The following PAWR variants were observed in gnomAD, a reference collection of about 807,000 sequenced individuals.
PAWR encodes pro-apoptotic WT1 regulator, also known as PRKC apoptosis WT1 regulator protein.
A neutral mutation model predicts 32.0 loss-of-function variants in PAWR; 23 were observed. The observed-to-expected ratio is 0.72, with a 90% confidence interval of 0.52 to 1.02. The LOEUF is 1.02. PAWR is among the 50% of genes least tolerant of loss of function. PAWR has a pLI of 0.00. For missense variants in PAWR, 457 were observed against 437.7 expected, an observed-to-expected ratio of 1.04 and a Z score of -0.39; for synonymous variants, 226 against 187.1, an observed-to-expected ratio of 1.21 and a Z score of -1.70.
chr12:79,683,984 A>G (rs1000783530), intron 2 of PAWR, among the ~76,000 whole-genome samples: 1 of 152,144 alleles, frequency 6.6e-6, no homozygotes, highest in Non-Finnish European at 1.5e-5. Flanking sequence ...TTTGAATACC[A>G]TATCACTTTA....
At chr12:79,648,706 T>C (rs1876696945) in intron 2 of PAWR, among the ~76,000 whole-genome samples, 2 of 151,264 alleles carry the variant, frequency 1.3e-5, no homozygotes, top group Non-Finnish European at 2.9e-5. Context: ...GGAGGGTCAC[T>C]TGAGCCCAGG....
At chr12:79,604,340 T>A (rs188602063) in intron 4 of PAWR, 3 of 1,006,546 alleles carry the variant, frequency 3.0e-6, no homozygotes, top group Non-Finnish European at 3.6e-6. Flanking sequence ...TACTGGAAGT[T>A]TTCCCCCTCT....
At chr12:79,635,416 AC>A (rs2136756325) in intron 2 of PAWR, 1 of 152,204 alleles carries the variant, frequency 6.6e-6, no homozygotes, top group African/African-American at 2.4e-5. Flanking sequence ...CTGGAATGCT[AC>A]CCACATTGCA....
At chr12:79,689,652 G>A in intron 2 of PAWR, 77 bp downstream of exon 2, 1 of 1,475,840 alleles carries the variant, frequency 6.8e-7, no homozygotes, top group South Asian at 1.3e-5. Flanking sequence ...TGCGCCCCGG[G>A]TAGCTCCCAG....
Position 79,689,644 on chromosome 12 carries a change from C to T in PAWR, c.516+85G>A, listed in dbSNP as rs548759419. ...TACGAGCCAGGGGAGGTAAACTCTGCGCCCCGGGTAGCTCCCAGGAGGAAG... is the reference window on the plus strand; with the variant it reads ...TACGAGCCAGGGGAGGTAAACTCTGTGCCCCGGGTAGCTCCCAGGAGGAAG... On this transcript the variant is annotated intron_variant, in intron 2 of 6. Coordinates refer to ENST00000328827, the MANE Select transcript of PAWR (RefSeq NM_002583.4). 41 of 1,441,960 alleles carry T rather than the reference C, an allele frequency of 2.8e-5. No individual in the cohort carries two copies. The African/African-American group carries it at 5.9e-4, about 21-fold the overall frequency. 89.3% of individuals were successfully genotyped at this position (1,441,960 alleles called of 1,614,324 possible).
At chr12:79,616,720 G>GT (rs138472773) in intron 3 of PAWR, among the ~76,000 whole-genome samples, 23 of 148,650 alleles carry the variant, frequency 1.5e-4, no homozygotes, top group East Asian at 7.9e-4. Flanking sequence ...AGTTGTTTGG[G>GT]TTTTTTTTTT....
chr12:79,683,858 G>C (rs1481615108), intron 2 of PAWR, among the ~76,000 whole-genome samples: 2 of 152,118 alleles, frequency 1.3e-5, no homozygotes, highest in African/African-American at 4.8e-5. Context: ...ACAAATGGTA[G>C]TAGGTGCCCA....
At chr12:79,650,349 A>G (rs942944356) in intron 2 of PAWR, among the ~76,000 whole-genome samples, 15 of 152,248 alleles carry the variant, frequency 9.9e-5, no homozygotes, top group African/African-American at 3.6e-4. Flanking sequence ...CCTTGTTATC[A>G]ACAAAACTGC....
In PAWR at chr12:79,592,235, A is replaced by G. The variant is rs1873581649; in HGVS notation, c.*372T>C. 1.0e-5 allele frequency: 2 copies of G among 191,430 alleles called. No homozygotes were observed. The highest frequency in any genetic ancestry group is 6.2e-5 in the Admixed American group (1 of 16,038). The allele number at this position is 191,430 out of a possible 1,614,324, so 11.9% of individuals were successfully genotyped here. Reference sequence around the variant, plus strand: ...TAGGACATGTGAAGGTAACATCCCAAAAGTATTTGAACTCATGTAAACAAA... The same window carrying G: ...TAGGACATGTGAAGGTAACATCCCAGAAGTATTTGAACTCATGTAAACAAA... On this transcript the variant is annotated 3_prime_UTR_variant, in exon 7 of 7. Transcript: ENST00000328827.
intron 2 of PAWR, among the ~76,000 whole-genome samples, chr12:79,633,558 T>C (rs892265132): frequency 2.6e-5 from 4 of 152,128 alleles, no homozygotes; most frequent in Non-Finnish European, 5.9e-5. Context: ...CCTTTAAAAC[T>C]ATAAAAACCA....
chr12:79,631,574 C>T, intron 2 of PAWR, among the ~76,000 whole-genome samples: 1 of 152,042 alleles, frequency 6.6e-6, no homozygotes, highest in Admixed American at 6.6e-5. Context: ...AAACAAAATA[C>T]AAAAAACACA....
Position 79,664,661 on chromosome 12 carries a change from G to GGT in PAWR, c.516+25067_516+25068insAC, listed in dbSNP as rs1555177489. ...AAGGACAAAGTAGACTCTTTGGCGG[G>GGT]GGGGGGAGGAGAGAGAGAGAGTGGT... is the stretch of plus-strand genomic sequence containing the variant. On this transcript the variant is annotated intron_variant, in intron 2 of 6. Transcript: ENST00000328827. 4.1e-3 allele frequency among the ~76,000 whole-genome samples: 609 copies of GGT among 149,040 alleles called. 60 individuals are homozygous for GGT. The highest frequency in any genetic ancestry group is 0.015 in the African/African-American group (579 of 39,768).
At chr12:79,642,007 T>C (rs1042016415) in intron 2 of PAWR, among the ~76,000 whole-genome samples, 5 of 152,060 alleles carry the variant, frequency 3.3e-5, no homozygotes, top group Admixed American at 3.3e-4. Flanking sequence ...TTTCATTCAA[T>C]CTAAGATGCC....
chr12:79,644,837 T>C (rs1281080280), intron 2 of PAWR, among the ~76,000 whole-genome samples: 1 of 152,098 alleles, frequency 6.6e-6, no homozygotes, highest in East Asian at 1.9e-4. Flanking sequence ...CAAAGTGCAG[T>C]GAACTCAGAC....
Position 79,689,891 on chromosome 12 carries a change from C to G in PAWR, c.354G>C (p.Ser118=), listed in dbSNP as rs779433412. ...CGTCACGCTGGGGCGGCGGTGCAGC[C>G]GAGGCAGAGGCGGCTGGGGGCTCGT... ...SEDEPPAASA[S]AAPPPQRDEE... Residue 118 remains serine, a synonymous_variant, in exon 2 of 7, where the codon TCG becomes TCC. Coordinates refer to ENST00000328827, the MANE Select transcript of PAWR (RefSeq NM_002583.4). 1.2e-5 allele frequency: 18 copies of G among 1,528,038 alleles called. No individual in the cohort carries two copies. The highest frequency in any genetic ancestry group is 1.6e-5 in the Non-Finnish European group (18 of 1,138,154). 94.7% of individuals were successfully genotyped at this position (1,528,038 alleles called of 1,614,324 possible).
intron 2 of PAWR, among the ~76,000 whole-genome samples, chr12:79,635,287 G>A (rs1488599301): frequency 6.6e-6 from 1 of 151,936 alleles, no homozygotes; most frequent in Non-Finnish European, 1.5e-5. Flanking sequence ...CTCTACTTTG[G>A]CCATAATGCT....
intron 3 of PAWR, among the ~76,000 whole-genome samples, chr12:79,620,550 G>A (rs536858207): frequency 8.5e-5 from 13 of 152,314 alleles, no homozygotes; most frequent in African/African-American, 2.9e-4. Flanking sequence ...GGCAAGGTCA[G>A]AAAGGGAGTC....
chr12:79,632,856 G>A (rs960466566), intron 2 of PAWR, among the ~76,000 whole-genome samples: 14 of 151,994 alleles, frequency 9.2e-5, no homozygotes, highest in African/African-American at 1.5e-4. Flanking sequence ...TATCATAGCC[G>A]GACACGGTGG....
intron 2 of PAWR, among the ~76,000 whole-genome samples, chr12:79,641,879 A>G (rs1263484513): frequency 2.0e-5 from 3 of 146,798 alleles, no homozygotes; most frequent in Admixed American, 6.8e-5. Context: ...AAAAAAAGTC[A>G]TATGATTTAC....
Sources: gnomAD v4.1 joint callset for allele counts (sites outside exome capture counted in the v4.1 genomes callset) on GRCh38, gnomAD v4.1.1 for gene constraint, MANE v1.5 for transcripts, NCBI Gene and HGNC (gene_info 2026-07-23, HGNC 2026-07-21) for gene names.